The following IMMP2L variants were observed in gnomAD, a reference collection of about 807,000 sequenced individuals.
The protein encoded by IMMP2L is mitochondrial inner membrane protease subunit 2.
IMMP2L carries 18 observed loss-of-function variants against 19.3 expected under a neutral mutation model. The ratio of observed to expected loss-of-function variants is 0.93; its 90% CI spans 0.64 to 1.38. IMMP2L has a LOEUF of 1.38. Among genes scored for constraint, IMMP2L ranks in the 40% most tolerant of loss-of-function variants. The pLI is 0.00. For synonymous variants in IMMP2L, 76 were observed against 73.0 expected, an observed-to-expected ratio of 1.04 and a Z score of -0.21; for missense variants, 233 against 218.2, an observed-to-expected ratio of 1.07 and a Z score of -0.43.
chr7:110,856,433 T>C (rs1421855510), intron 5 of IMMP2L, among the ~76,000 whole-genome samples: 2 of 152,044 alleles, frequency 1.3e-5, no homozygotes, highest in Non-Finnish European at 2.9e-5. Flanking sequence ...ACCAATCTCC[T>C]CGAACATGCT....
chr7:111,195,525 T>C (rs1175390525), intron 3 of IMMP2L, among the ~76,000 whole-genome samples: 2 of 152,168 alleles, frequency 1.3e-5, no homozygotes, highest in Non-Finnish European at 2.9e-5. Flanking sequence ...AATTGCCACA[T>C]TATCTTTTTA....
At chr7:111,314,256 A>T (rs183990162) in intron 3 of IMMP2L, among the ~76,000 whole-genome samples, 1 of 152,268 alleles carries the variant, frequency 6.6e-6, no homozygotes, top group Admixed American at 6.5e-5. Context: ...AGAAAAAATA[A>T]TATTTCAGAT....
At position 110,760,859 on chromosome 7, in the gene IMMP2L, G is replaced by A. The variant is rs1375382624; in HGVS notation, c.409-97138C>T. Among the ~76,000 whole-genome samples the A allele has an allele frequency of 1.3e-5, 2 of 152,122 alleles. No individual in the cohort carries two copies. Among genetic ancestry groups the A allele is most frequent in the African/African-American group, 4.8e-5 (2 of 41,436 alleles). Reference sequence around the variant, plus strand: ...GTAGGCACCTCACAAAGGTCATGCAGACCTTAGAGGAAATTATGGCCCAAC... The same window carrying A: ...GTAGGCACCTCACAAAGGTCATGCAAACCTTAGAGGAAATTATGGCCCAAC... On this transcript the variant is annotated intron_variant, in intron 5 of 5. Transcript: ENST00000405709. This position sits in a 1 kb window ranked among gnomAD's most constrained non-coding sequence, Gnocchi z 4.2.
At chr7:111,067,519 C>T (rs1335864989) in intron 3 of IMMP2L, among the ~76,000 whole-genome samples, 1 of 152,258 alleles carries the variant, frequency 6.6e-6, no homozygotes, top group African/African-American at 2.4e-5. Context: ...TTTTTGATAC[C>T]AAGTCACTGC....
intron 3 of IMMP2L, among the ~76,000 whole-genome samples, chr7:111,243,514 ATTTT>A (rs11427623): frequency 1.4e-5 from 2 of 141,644 alleles, no homozygotes; most frequent in South Asian, 4.4e-4. Context: ...TTGTTGCTTT[ATTTT>A]TTTTTTTTTT....
chr7:111,108,822 A>T (rs1028632391), intron 3 of IMMP2L, among the ~76,000 whole-genome samples: 7 of 152,126 alleles, frequency 4.6e-5, no homozygotes, highest in South Asian at 2.1e-4. Context: ...CGTACAGCAA[A>T]TTTTTTTAAA....
At chr7:111,497,244 G>T (rs1843681181) in intron 2 of IMMP2L, among the ~76,000 whole-genome samples, 1 of 152,122 alleles carries the variant, frequency 6.6e-6, no homozygotes, top group South Asian at 2.1e-4. Flanking sequence ...TCTTAAAAGT[G>T]ATCTTGTCCT....
intron 3 of IMMP2L, among the ~76,000 whole-genome samples, chr7:111,174,927 A>G (rs1220373064): frequency 2.0e-5 from 3 of 151,764 alleles, no homozygotes; most frequent in Non-Finnish European, 3.0e-5. Context: ...TCAAACATAA[A>G]TAAGTCCCTG....
At position 110,669,106 on chromosome 7, in the gene IMMP2L, T is replaced by TAG. The variant is rs1294902082; in HGVS notation, c.409-5386_409-5385insCT. Among the ~76,000 whole-genome samples, 184 of 143,654 alleles carry TAG rather than the reference T, an allele frequency of 1.3e-3. 2 individuals are homozygous for TAG. The highest frequency in any genetic ancestry group is 1.8e-3 in the Non-Finnish European group (122 of 66,112). The allele number at this position is 143,654 out of a possible 152,430, so 94.2% of individuals were successfully genotyped here. On this transcript the variant is annotated intron_variant, in intron 5 of 5. Transcript: ENST00000405709. ...GTGTGTGTGTATATGTATATATATATATAGAGAGAGAGAGAGAGAAAGAGA... is the reference window on the plus strand; with the variant it reads ...GTGTGTGTGTATATGTATATATATATAGATAGAGAGAGAGAGAGAGAAAGAGA...
At chr7:111,320,111 G>C (rs1824527553) in intron 3 of IMMP2L, among the ~76,000 whole-genome samples, 1 of 151,998 alleles carries the variant, frequency 6.6e-6, no homozygotes, top group South Asian at 2.1e-4. Flanking sequence ...CCAGCCATAA[G>C]TCAAGTGAGG....
chr7:110,686,824 C>T (rs1387361437), intron 5 of IMMP2L, among the ~76,000 whole-genome samples: 1 of 151,990 alleles, frequency 6.6e-6, no homozygotes, highest in Non-Finnish European at 1.5e-5. Flanking sequence ...TGTTTTTCCC[C>T]AACTGCTATA....
At chr7:111,056,644 AC>A (rs1793537163) in intron 3 of IMMP2L, among the ~76,000 whole-genome samples, 1 of 152,238 alleles carries the variant, frequency 6.6e-6, no homozygotes, top group Non-Finnish European at 1.5e-5. Flanking sequence ...CCTACTGTTG[AC>A]CTGAAGCCTT....
intron 3 of IMMP2L, among the ~76,000 whole-genome samples, chr7:111,481,257 T>C (rs1842160597): frequency 6.6e-6 from 1 of 152,168 alleles, no homozygotes; most frequent in Non-Finnish European, 1.5e-5. Context: ...ATAAGAGATG[T>C]AGACATACCA....
chr7:110,800,575 C>A (rs1407982127), intron 5 of IMMP2L, among the ~76,000 whole-genome samples: 2 of 152,050 alleles, frequency 1.3e-5, no homozygotes, highest in African/African-American at 4.8e-5. Context: ...ATCATAGTTT[C>A]TTCCCAAAAA....
intron 3 of IMMP2L, among the ~76,000 whole-genome samples, chr7:111,407,433 C>T (rs971981607): frequency 6.6e-6 from 1 of 151,848 alleles, no homozygotes; most frequent in Admixed American, 6.6e-5. Flanking sequence ...TGTGGATTAA[C>T]AAAATGAGGT....
At chr7:111,215,038 G>A (rs973052233) in intron 3 of IMMP2L, among the ~76,000 whole-genome samples, 4 of 151,976 alleles carry the variant, frequency 2.6e-5, no homozygotes, top group African/African-American at 7.3e-5. Context: ...ACATATCACC[G>A]CAATCTACAT....
chr7:111,140,565 A>G (rs1290294538), intron 3 of IMMP2L, among the ~76,000 whole-genome samples: 1 of 152,220 alleles, frequency 6.6e-6, no homozygotes, highest in Non-Finnish European at 1.5e-5. Context: ...CTGAGAACGT[A>G]AGACATGAGA....
chr7:110,925,677 T>C (rs1814769253), intron 4 of IMMP2L, among the ~76,000 whole-genome samples: 1 of 152,110 alleles, frequency 6.6e-6, no homozygotes, highest in South Asian at 2.1e-4. Flanking sequence ...TTATCTTTTA[T>C]TCATTCATTT....
intron 3 of IMMP2L, among the ~76,000 whole-genome samples, chr7:111,281,138 G>A (rs975518472): frequency 3.4e-5 from 3 of 89,418 alleles, no homozygotes; most frequent in African/African-American, 1.5e-4. Flanking sequence ...AAGAGAGAAA[G>A]ACAGAAAGAC....
Sources: gnomAD v4.1 joint callset for allele counts (sites outside exome capture counted in the v4.1 genomes callset) on GRCh38, gnomAD v4.1.1 for gene constraint, Gnocchi (gnomAD v3.1) non-coding constraint, MANE v1.5 for transcripts, NCBI Gene and HGNC (gene_info 2026-07-23, HGNC 2026-07-21) for gene names.